UBE2E2: variants seen among roughly 807,000 people sequenced by gnomAD.
UBE2E2 encodes ubiquitin conjugating enzyme E2 E2.
A neutral mutation model predicts 24.7 loss-of-function variants in UBE2E2; 6 were observed. The observed-to-expected ratio is 0.24, with a 90% CI of 0.13 to 0.48. The LOEUF is 0.48. UBE2E2 is among the 20% of genes least tolerant of loss of function. The probability of loss-of-function intolerance (pLI) is 0.99; values close to 1 mark genes in which losing one functional copy is unlikely to be tolerated. For missense variants in UBE2E2, 169 were observed against 245.0 expected (o/e 0.69, Z 2.07); for synonymous variants, 104 against 83.6 (o/e 1.24, Z -1.33).
At chr3:23,588,036 C>G (rs1022436255) in intron 5 of UBE2E2, among the ~76,000 whole-genome samples, 2 of 152,176 alleles carry the variant, frequency 1.3e-5, no homozygotes, top group Admixed American at 6.5e-5. Context: ...TGAGCTTCAG[C>G]AGATAGGTTA....
intron 3 of UBE2E2, among the ~76,000 whole-genome samples, chr3:23,493,969 G>C (rs57060025): frequency 2.0e-5 from 3 of 152,194 alleles, no homozygotes; most frequent in African/African-American, 7.2e-5. Flanking sequence ...TACAAGATTT[G>C]TGCTATAATG....
At chr3:23,273,189 C>A (rs1183217583) in intron 3 of UBE2E2, among the ~76,000 whole-genome samples, 1 of 152,102 alleles carries the variant, frequency 6.6e-6, no homozygotes, top group Non-Finnish European at 1.5e-5. Flanking sequence ...TAGTAAGAAG[C>A]AATATAGTAA....
intron 3 of UBE2E2, among the ~76,000 whole-genome samples, chr3:23,307,128 A>G (rs1468837879): frequency 6.6e-6 from 1 of 152,200 alleles, no homozygotes; most frequent in East Asian, 1.9e-4. Flanking sequence ...TTGGTTGGAA[A>G]TGGTGCCCAC....
chr3:23,345,619 T>C (rs1288175447), intron 3 of UBE2E2, among the ~76,000 whole-genome samples: 1 of 152,126 alleles, frequency 6.6e-6, no homozygotes, highest in African/African-American at 2.4e-5. Flanking sequence ...AGAAAATAGG[T>C]ATAGGAAGAG....
chr3:23,481,971 AGT>A (rs1050755375), intron 3 of UBE2E2, among the ~76,000 whole-genome samples: 17 of 152,260 alleles, frequency 1.1e-4, no homozygotes, highest in African/African-American at 3.9e-4. Context: ...TACCATGACT[AGT>A]GAACTCTGTA....
intron 5 of UBE2E2, chr3:23,534,399 T>A: frequency 1.1e-5 from 2 of 188,110 alleles, no homozygotes; most frequent in Non-Finnish European, 2.0e-5. Flanking sequence ...CACTCCTAAC[T>A]AAAGCAGAAC....
chr3:23,388,453 TATG>T (rs758695551), intron 3 of UBE2E2, among the ~76,000 whole-genome samples: 17 of 152,226 alleles, frequency 1.1e-4, no homozygotes, highest in Non-Finnish European at 2.5e-4. Context: ...TTGAGAACCT[TATG>T]ATATCTATTT....
intron 4 of UBE2E2, among the ~76,000 whole-genome samples, chr3:23,531,783 C>T (rs1021428139): frequency 1.1e-4 from 16 of 151,942 alleles, no homozygotes; most frequent in Admixed American, 2.0e-4. Flanking sequence ...TGTTATAGGC[C>T]GGGTATGTTG....
intron 1 of UBE2E2, among the ~76,000 whole-genome samples, chr3:23,205,465 GACT>G (rs1329207899): frequency 2.6e-5 from 4 of 152,254 alleles, no homozygotes; most frequent in African/African-American, 9.6e-5. Flanking sequence ...TTGATTCATA[GACT>G]ACTTTTTCTT....
intron 3 of UBE2E2, among the ~76,000 whole-genome samples, chr3:23,222,698 A>C (rs1344596574): frequency 6.6e-6 from 1 of 152,220 alleles, no homozygotes; most frequent in East Asian, 1.9e-4. Flanking sequence ...CTTTATGGGC[A>C]GCGTGAAAAT....
intron 3 of UBE2E2, among the ~76,000 whole-genome samples, chr3:23,402,258 A>G (rs1428190284): frequency 3.9e-5 from 6 of 152,242 alleles, no homozygotes; most frequent in Admixed American, 3.9e-4. Context: ...ACTTAGAACA[A>G]GACTAGAACA....
At chr3:23,246,237 T>TTTC (rs1553634256) in intron 3 of UBE2E2, among the ~76,000 whole-genome samples, 1 of 139,392 alleles carries the variant, frequency 7.2e-6, no homozygotes, top group Non-Finnish European at 1.5e-5. Flanking sequence ...TTTTTTTTTT[T>TTTC]CGAGATGGAG....
intron 3 of UBE2E2, among the ~76,000 whole-genome samples, chr3:23,350,635 A>G (rs1209835049): frequency 1.3e-5 from 2 of 152,230 alleles, no homozygotes; most frequent in Non-Finnish European, 2.9e-5. Context: ...AAAGGGTATC[A>G]GTGATGGAAG....
At position 23,370,665 on chromosome 3, in the gene UBE2E2, T is replaced by C. The variant is rs879580368; in HGVS notation, c.228-128943T>C. On this transcript the variant is annotated intron_variant, in intron 3 of 5. Coordinates refer to ENST00000396703, the MANE Select transcript of UBE2E2 (RefSeq NM_152653.4). ...AAAAGAAGGAACTGTGAGAATTGTG[T>C]TTTGTTATTTAAGGACCTGTGAAGG... is the stretch of plus-strand genomic sequence containing the variant. Among the ~76,000 whole-genome samples the C allele has an allele frequency of 3.7e-4, 57 of 152,292 alleles. 1 individual carries two copies. The highest frequency in any genetic ancestry group is 2.4e-3 in the Admixed American group (37 of 15,294).
At chr3:23,424,806 A>T (rs368218171) in intron 3 of UBE2E2, among the ~76,000 whole-genome samples, 2 of 152,140 alleles carry the variant, frequency 1.3e-5, no homozygotes, top group African/African-American at 4.8e-5. Flanking sequence ...TTGATTTTTT[A>T]TAACTGGTAG....
intron 3 of UBE2E2, among the ~76,000 whole-genome samples, chr3:23,223,028 T>TCC: frequency 1.1e-4 from 13 of 115,098 alleles, no homozygotes; most frequent in African/African-American, 3.6e-4. Flanking sequence ...CCCCCCCCTT[T>TCC]TTTTTTTTTT....
intron 3 of UBE2E2, among the ~76,000 whole-genome samples, chr3:23,464,415 C>T (rs956759278): frequency 6.6e-6 from 1 of 152,026 alleles, no homozygotes; most frequent in African/African-American, 2.4e-5. Context: ...TAATATCAAC[C>T]ATTGACATAA....
chr3:23,422,952 C>T (rs370875077), intron 3 of UBE2E2, among the ~76,000 whole-genome samples: 2 of 152,308 alleles, frequency 1.3e-5, no homozygotes, highest in East Asian at 3.9e-4. Flanking sequence ...TTCATGTTCA[C>T]AGCTGAGTTA....
At chr3:23,233,859 CAG>C (rs1697031491) in intron 3 of UBE2E2, among the ~76,000 whole-genome samples, 1 of 152,056 alleles carries the variant, frequency 6.6e-6, no homozygotes, top group Admixed American at 6.6e-5. Context: ...ATATGAATCA[CAG>C]ATGGTATTTT....
Sources: allele counts gnomAD v4.1 joint callset (sites outside exome capture counted in the v4.1 genomes callset), GRCh38; gene constraint gnomAD v4.1.1; transcripts MANE v1.5; gene names NCBI Gene and HGNC (gene_info 2026-07-23, HGNC 2026-07-21).